The following PRDM2 variants were observed in gnomAD, a reference collection of about 807,000 sequenced individuals.
PRDM2 encodes PR domain zinc finger protein 2.
A neutral mutation model predicts 130.0 loss-of-function variants in PRDM2; 30 were observed. The observed-to-expected ratio is 0.23, with a 90% CI of 0.17 to 0.31. The LOEUF (loss-of-function observed/expected upper bound fraction) is 0.31. Among genes scored for constraint, PRDM2 ranks in the 10% least tolerant of loss-of-function variants. The pLI is 1.00. For missense variants in PRDM2, 2,011 were observed against 2,108.4 expected, an observed-to-expected ratio of 0.95 and a Z score of 0.90; for synonymous variants, 871 against 782.4, an observed-to-expected ratio of 1.11 and a Z score of -1.89.
intron 6 of PRDM2, among the ~76,000 whole-genome samples, chr1:13,765,275 A>C (rs771406406): frequency 1.3e-5 from 2 of 152,254 alleles, no homozygotes; most frequent in Non-Finnish European, 1.5e-5. Context: ...TAAAGCATAC[A>C]TTAAGAATAT....
chr1:13,752,883 A>G (rs1378256065), intron 6 of PRDM2, among the ~76,000 whole-genome samples: 1 of 152,154 alleles, frequency 6.6e-6, no homozygotes, highest in Admixed American at 6.5e-5. Context: ...TGCTTGTGCC[A>G]CCTAACCTCA....
intron 4 of PRDM2, among the ~76,000 whole-genome samples, chr1:13,733,953 T>A (rs1643189425): frequency 6.6e-6 from 1 of 152,236 alleles, no homozygotes; most frequent in South Asian, 2.1e-4. Flanking sequence ...TGGACACTTT[T>A]CATCAAGAAG....
intron 1 of PRDM2, among the ~76,000 whole-genome samples, chr1:13,711,590 G>T (rs1642372888): frequency 6.6e-6 from 1 of 152,228 alleles, no homozygotes; most frequent in Non-Finnish European, 1.5e-5. Context: ...GGGTTCCTCT[G>T]TTGAGAGACT....
chr1:13,740,115 G>A (rs900700536), intron 4 of PRDM2, among the ~76,000 whole-genome samples: 11 of 152,162 alleles, frequency 7.2e-5, no homozygotes, highest in African/African-American at 2.7e-4. Context: ...AACAAAATGA[G>A]TTATGTATGA....
At chr1:13,784,826 C>T (rs1452180079) in intron 8 of PRDM2, among the ~76,000 whole-genome samples, 1 of 152,202 alleles carries the variant, frequency 6.6e-6, no homozygotes, top group Non-Finnish European at 1.5e-5. Context: ...GCAGCTCTTC[C>T]TCCTCTGTGT....
intron 8 of PRDM2, among the ~76,000 whole-genome samples, chr1:13,801,229 C>T (rs780443056): frequency 6.6e-6 from 1 of 152,190 alleles, no homozygotes; most frequent in Non-Finnish European, 1.5e-5. Flanking sequence ...AGGCCACTCT[C>T]CTGGAACTAA....
At chr1:13,764,912 A>T (rs532674302) in intron 6 of PRDM2, among the ~76,000 whole-genome samples, 2 of 152,388 alleles carry the variant, frequency 1.3e-5, no homozygotes, top group African/African-American at 4.8e-5. Context: ...ATTTGAAATT[A>T]TGCCAAACGA....
intron 2 of PRDM2, among the ~76,000 whole-genome samples, chr1:13,719,860 G>A (rs1044273007): frequency 6.6e-6 from 1 of 151,964 alleles, no homozygotes; most frequent in Non-Finnish European, 1.5e-5. Context: ...AGATGGGTTC[G>A]TAGAATTTTA....
intron 8 of PRDM2, among the ~76,000 whole-genome samples, chr1:13,802,319 G>T (rs1645020967): frequency 6.6e-6 from 1 of 152,198 alleles, no homozygotes; most frequent in African/African-American, 2.4e-5. Flanking sequence ...CCCAAGACAA[G>T]CTGGTTTTGA....
intron 7 of PRDM2, among the ~76,000 whole-genome samples, chr1:13,777,252 C>A (rs1435061336): frequency 2.0e-5 from 3 of 152,124 alleles, no homozygotes; most frequent in African/African-American, 7.2e-5. Flanking sequence ...CCTGCTGCCA[C>A]CCCTGTGCCA....
chr1:13,784,243 G>A (rs1285173882), intron 8 of PRDM2, among the ~76,000 whole-genome samples: 3 of 152,218 alleles, frequency 2.0e-5, no homozygotes, highest in Non-Finnish European at 4.4e-5. Flanking sequence ...AAAGCTGCTT[G>A]CCTTTAGTAA....
At chr1:13,811,844 C>CT (rs1645178000) in intron 8 of PRDM2, among the ~76,000 whole-genome samples, 1 of 152,352 alleles carries the variant, frequency 6.6e-6, no homozygotes, top group Admixed American at 6.5e-5. Flanking sequence ...GAGAAGGCCT[C>CT]TTTCAGGAGA....
intron 1 of PRDM2, among the ~76,000 whole-genome samples, chr1:13,700,680 C>T (rs1395550827): frequency 6.6e-6 from 1 of 151,976 alleles, no homozygotes; most frequent in African/African-American, 2.4e-5. Context: ...CACGTGGGGC[C>T]GGGCGCCGTC....
chr1:13,822,147 G>C (rs765647776), intron 9 of PRDM2, among the ~76,000 whole-genome samples: 15 of 152,226 alleles, frequency 9.9e-5, no homozygotes, highest in Non-Finnish European at 1.9e-4. Context: ...CCCACTGCAG[G>C]GGACACACTC....
At chr1:13,819,856 G>A (rs1041242448) in intron 9 of PRDM2, among the ~76,000 whole-genome samples, 12 of 152,082 alleles carry the variant, frequency 7.9e-5, no homozygotes, top group Non-Finnish European at 1.3e-4. Flanking sequence ...GCCCTGCTTC[G>A]TGATCTCATC....
chr1:13,778,529 C>G lies in PRDM2; in HGVS notation c.734C>G (p.Ala245Gly). 1 of 1,614,170 alleles carries G rather than the reference C, an allele frequency of 6.2e-7. No homozygotes were observed. Among genetic ancestry groups the G allele is most frequent in the Non-Finnish European group, 8.5e-7 (1 of 1,180,038 alleles). Residue 245 changes from alanine to glycine, a missense_variant, in exon 8 of 10, where the codon GCC becomes GGC. This residue lies in a region of PRDM2 where 1,288 missense variants were observed against 1,237.7 expected (regional missense o/e 1.04). Coordinates refer to ENST00000311066, the MANE Select transcript of PRDM2 (RefSeq NM_001393986.1). ...CCAGAACTAGCAACCCCTGCCCCTGCCTGGGAGCCACAGCCAGAACCAGAC... is the reference window on the plus strand; with the variant it reads ...CCAGAACTAGCAACCCCTGCCCCTGGCTGGGAGCCACAGCCAGAACCAGAC... ...VPPELATPAP[A>G]WEPQPEPDER...
intron 5 of PRDM2, among the ~76,000 whole-genome samples, chr1:13,744,876 G>A (rs1643557143): frequency 6.6e-6 from 1 of 152,140 alleles, no homozygotes; most frequent in Non-Finnish European, 1.5e-5. Context: ...TGTCCCGTGG[G>A]TTAGGCTTTG....
intron 5 of PRDM2, among the ~76,000 whole-genome samples, chr1:13,748,993 C>T (rs562581071): frequency 1.3e-5 from 2 of 152,230 alleles, no homozygotes; most frequent in South Asian, 4.1e-4. Flanking sequence ...TTCAGTTATG[C>T]TTTACATTTC....
intron 6 of PRDM2, among the ~76,000 whole-genome samples, chr1:13,754,175 A>G (rs1036853234): frequency 2.6e-5 from 4 of 152,186 alleles, no homozygotes; most frequent in Non-Finnish European, 5.9e-5. Context: ...CTACTCATGT[A>G]GAAACCTACA....
Sources: allele counts gnomAD v4.1 joint callset (sites outside exome capture counted in the v4.1 genomes callset), GRCh38; gene constraint gnomAD v4.1.1; regional missense constraint gnomAD v4.1.1; transcripts MANE v1.5; gene names NCBI Gene and HGNC (gene_info 2026-07-23, HGNC 2026-07-21).